The following AP2A1 variants were observed in gnomAD, a reference collection of about 807,000 sequenced individuals.
AP2A1 encodes the protein AP-2 complex subunit alpha-1.
A neutral mutation model predicts 107.3 loss-of-function variants in AP2A1; 21 were observed. The ratio of observed to expected loss-of-function variants is 0.20; its 90% confidence interval spans 0.14 to 0.28. AP2A1 has a LOEUF of 0.28. AP2A1 is among the 10% of genes least tolerant of loss of function. AP2A1 has a pLI of 1.00. For synonymous variants in AP2A1, 602 were observed against 564.8 expected, an observed-to-expected ratio of 1.07 and a Z score of -0.93; for missense variants, 873 against 1,307.7, an observed-to-expected ratio of 0.67 and a Z score of 5.13.
chr19:49,805,613 C>T (rs756812808), intron 19 of AP2A1, 37 bp downstream of exon 19: 2 of 1,557,456 alleles, frequency 1.3e-6, no homozygotes, highest in East Asian at 4.8e-5. Context: ...GGCGGAGCCT[C>T]CGGGGTGAGG....
chr19:49,803,239 G>A, intron 17 of AP2A1, 48 bp from the exon 18 acceptor site: 1 of 1,613,472 alleles, frequency 6.2e-7, no homozygotes, highest in South Asian at 1.1e-5. Context: ...CCTTGGGGAA[G>A]GGGTCAGAGG....
At position 49,802,937 on chromosome 19, in the gene AP2A1, C is replaced by G; in HGVS notation, c.2115-12C>G. ...AAGTTCCTTCCCATCTCACTCTGCT[C>G]CATGCCTCCAGCCCAGGTCCTGAGG... On this transcript the variant is annotated splice_polypyrimidine_tract_variant and intron_variant, in intron 15 of 22. Coordinates refer to ENST00000354293, the MANE Select transcript of AP2A1 (RefSeq NM_130787.3). 3 of 1,611,774 alleles carry G rather than the reference C, an allele frequency of 1.9e-6. No homozygotes were observed. The highest frequency in any genetic ancestry group is 2.5e-6 in the Non-Finnish European group (3 of 1,179,210).
At chr19:49,787,029 C>A (rs894092294) in intron 4 of AP2A1, among the ~76,000 whole-genome samples, 2 of 152,246 alleles carry the variant, frequency 1.3e-5, no homozygotes, top group Admixed American at 6.5e-5. Flanking sequence ...TTTTTGGAGA[C>A]AGGGTCTTGC....
chr19:49,769,608 C>T (rs1306761075), intron 1 of AP2A1, among the ~76,000 whole-genome samples: 3 of 151,346 alleles, frequency 2.0e-5, no homozygotes, highest in African/African-American at 2.4e-5. Flanking sequence ...GGAGAGAGGG[C>T]GGGTGTGGAG....
At chr19:49,800,205 C>A in intron 11 of AP2A1, 55 bp downstream of exon 11, 1 of 1,535,788 alleles carries the variant, frequency 6.5e-7, no homozygotes. Flanking sequence ...AGAGGCAGAG[C>A]AAGGATGGCC....
At chr19:49,800,605 A>G (rs2073266708) in intron 11 of AP2A1, 1 of 267,590 alleles carries the variant, frequency 3.7e-6, no homozygotes, top group Non-Finnish European at 7.2e-6. Flanking sequence ...AGTAGCTGGT[A>G]CTACAGGCAC....
chr19:49,802,847 C>A, intron 15 of AP2A1, 102 bp from the exon 16 acceptor site: 1 of 1,360,808 alleles, frequency 7.3e-7, no homozygotes, highest in Non-Finnish European at 1.0e-6. Context: ...ATATGTGGTT[C>A]TGGGGTTCTG....
chr19:49,786,222 C>A (rs1178592994), intron 4 of AP2A1, among the ~76,000 whole-genome samples: 3 of 149,584 alleles, frequency 2.0e-5, no homozygotes, highest in Non-Finnish European at 4.4e-5. Flanking sequence ...GACAGTGACA[C>A]CCTGTCTAAA....
At chr19:49,771,878 T>TA (rs1392147493) in intron 1 of AP2A1, among the ~76,000 whole-genome samples, 1 of 151,932 alleles carries the variant, frequency 6.6e-6, no homozygotes, top group African/African-American at 2.4e-5. Flanking sequence ...GTAGGGGAGT[T>TA]ACCTAGGCTG....
chr19:49,795,938 G>A (rs1487941625), intron 7 of AP2A1, among the ~76,000 whole-genome samples, 200 bp downstream of exon 7: 1 of 152,198 alleles, frequency 6.6e-6, no homozygotes, highest in African/African-American at 2.4e-5. Context: ...ACCCTGTGCA[G>A]CATCGTGGAT....
rs1176049520 is a variant in AP2A1 at position 49,805,479 on chromosome 19, G to A, written c.2371G>A (p.Ala791Thr). The A allele has an allele frequency of 3.2e-6, 5 of 1,551,780 alleles. No individual in the cohort carries two copies. Among genetic ancestry groups the A allele is most frequent in the Non-Finnish European group, 4.4e-6 (5 of 1,147,654 alleles). The change falls in exon 19 of 23, where the codon GCG becomes ACG. Residue 791 changes from alanine (A) to threonine (T), a missense_variant. Physicochemically the swap from Ala to Thr is moderately conservative, Grantham distance 58 (BLOSUM62 0). Around this residue, in one of 4 missense-constraint regions of AP2A1, gnomAD observed 416 missense variants for 473.4 expected, o/e 0.88. Transcript: ENST00000354293. The part of the protein sequence containing the change: ...TQLAVQTKRV[A>T]AQVDGGAQVQ... ...GCTGGCTGTGCAGACCAAGCGCGTG[G>A]CGGCGCAGGTGGACGGCGGCGCGCA...
intron 11 of AP2A1, 70 bp downstream of exon 11, chr19:49,800,220 C>T (rs1161729855): frequency 7.4e-6 from 11 of 1,495,578 alleles, no homozygotes; most frequent in African/African-American, 1.4e-5. Flanking sequence ...ATGGCCGGGG[C>T]CGTGGCGCCT....
intron 1 of AP2A1, among the ~76,000 whole-genome samples, chr19:49,776,092 C>T (rs1175762473): frequency 6.6e-6 from 1 of 152,198 alleles, no homozygotes; most frequent in African/African-American, 2.4e-5. Flanking sequence ...GCAACAGCCA[C>T]TGGACGGAGC....
chr19:49,800,133 G>T lies in AP2A1; in HGVS notation c.1438G>T (p.Ala480Ser). 1 of 1,610,730 alleles carries T rather than the reference G, an allele frequency of 6.2e-7. No homozygotes were observed. Among genetic ancestry groups the T allele is most frequent in the Non-Finnish European group, 8.5e-7 (1 of 1,177,606 alleles). The change falls in exon 11 of 23, where the codon GCC (alanine) becomes TCC (serine). Residue 480 changes from alanine to serine, a missense_variant. This residue lies in a region of AP2A1 where 213 missense variants were observed against 443.5 expected (regional missense o/e 0.48). Transcript: ENST00000354293. ...TNRDDVQGYA[A>S]KTVFEALQAP... ...CCGTGATGACGTCCAGGGCTATGCC[G>T]CCAAGACCGTCTTTGAGGTCAGCAT...
intron 7 of AP2A1, chr19:49,796,116 A>G (rs937495470): frequency 1.7e-5 from 4 of 241,896 alleles, no homozygotes; most frequent in African/African-American, 9.0e-5. Context: ...GTGCTACCTG[A>G]ATTACCATAG....
At chr19:49,783,042 C>T (rs1411972929) in intron 4 of AP2A1, among the ~76,000 whole-genome samples, 2 of 152,230 alleles carry the variant, frequency 1.3e-5, no homozygotes, top group African/African-American at 4.8e-5. Flanking sequence ...TCATCTTCTC[C>T]ATTCATTCAC....
chr19:49,784,772 G>T (rs939072397), intron 4 of AP2A1, among the ~76,000 whole-genome samples: 6 of 151,934 alleles, frequency 3.9e-5, no homozygotes, highest in African/African-American at 1.5e-4. Context: ...GGAGGCTGAG[G>T]CAGGAGGATT....
rs1307174242 is a variant in AP2A1, at chr19:49,788,213, T to C, written c.474-3722T>C. 6.6e-6 allele frequency among the ~76,000 whole-genome samples: 1 copy of C among 152,228 alleles called. No homozygotes were observed. Among genetic ancestry groups the C allele is most frequent in the Non-Finnish European group, 1.5e-5 (1 of 68,030 alleles). The stretch of plus-strand genomic sequence containing the variant: ...CCTCCGTGGCCTCAGCTTCCCAAAG[T>C]GCTGAGATTACAGGCGTGAGCCACC... On this transcript the variant is annotated intron_variant, in intron 4 of 22. Coordinates refer to ENST00000354293, the MANE Select transcript of AP2A1 (RefSeq NM_130787.3). This position sits in a 1 kb window ranked among gnomAD's most constrained non-coding sequence, Gnocchi z 4.5.
At chr19:49,793,898 C>CTTTTTTTT (rs956804227) in intron 6 of AP2A1, among the ~76,000 whole-genome samples, 29 of 74,580 alleles carry the variant, frequency 3.9e-4, no homozygotes, top group Admixed American at 4.8e-4. Context: ...CTCATTGTTT[C>CTTTTTTTT]TTTTTTTTTT....
Sources: allele counts gnomAD v4.1 joint callset (sites outside exome capture counted in the v4.1 genomes callset), GRCh38; gene constraint gnomAD v4.1.1; regional missense constraint gnomAD v4.1.1; non-coding constraint Gnocchi (gnomAD v3.1); transcripts MANE v1.5; gene names NCBI Gene and HGNC (gene_info 2026-07-23, HGNC 2026-07-21).